RNF13: variants seen among roughly 807,000 people sequenced by gnomAD.
RNF13 encodes E3 ubiquitin-protein ligase RNF13.
RNF13 carries 19 observed loss-of-function variants against 37.7 expected under a neutral mutation model. That is an observed-to-expected ratio of 0.50 (90% CI 0.35 to 0.74). The LOEUF (loss-of-function observed/expected upper bound fraction) is 0.74. Ranked by LOEUF, RNF13 falls within the 30% of genes least tolerant of loss-of-function variation. The probability of loss-of-function intolerance (pLI) is 0.01; values close to 1 mark genes in which losing one functional copy is unlikely to be tolerated. For missense variants in RNF13, 375 were observed against 453.0 expected (o/e 0.83, Z 1.56); for synonymous variants, 144 against 157.8 (o/e 0.91, Z 0.65).
chr3:149,956,054 G>T (rs1323196336), intron 8 of RNF13, among the ~76,000 whole-genome samples: 5 of 151,988 alleles, frequency 3.3e-5, no homozygotes, highest in African/African-American at 1.2e-4. Flanking sequence ...ATGAATGAAG[G>T]GTGGATTGGT....
At chr3:149,842,569 T>A (rs561822176) in intron 1 of RNF13, among the ~76,000 whole-genome samples, 22 of 152,234 alleles carry the variant, frequency 1.4e-4, no homozygotes, top group Non-Finnish European at 3.1e-4. Context: ...AAATTCCATA[T>A]TTTTTACTGC....
chr3:149,904,396 T>A (rs1483248729), intron 6 of RNF13, among the ~76,000 whole-genome samples: 1 of 152,022 alleles, frequency 6.6e-6, no homozygotes, highest in Non-Finnish European at 1.5e-5. Context: ...TATTATTATT[T>A]TTGAGACAGG....
chr3:149,860,288 T>A (rs1724116086), intron 3 of RNF13, among the ~76,000 whole-genome samples: 1 of 139,632 alleles, frequency 7.2e-6, no homozygotes, highest in Non-Finnish European at 1.5e-5. Context: ...TATATATATA[T>A]ATATATATAT....
chr3:149,883,218 A>C (rs1159144641), intron 4 of RNF13, among the ~76,000 whole-genome samples: 1 of 152,100 alleles, frequency 6.6e-6, no homozygotes, highest in Non-Finnish European at 1.5e-5. Context: ...CTTAGTTGTC[A>C]TGTCTCCTTT....
intron 8 of RNF13, chr3:149,939,058 C>G (rs926212140): frequency 2.0e-6 from 1 of 495,786 alleles, no homozygotes; most frequent in African/African-American, 2.0e-5. Flanking sequence ...AAGCACTCCT[C>G]ACATAATTGA....
intron 8 of RNF13, among the ~76,000 whole-genome samples, chr3:149,942,714 G>T (rs754291905): frequency 5.9e-5 from 9 of 152,054 alleles, no homozygotes; most frequent in Non-Finnish European, 1.3e-4. Flanking sequence ...TAATTGCTCT[G>T]GATAGACCTC....
At chr3:149,907,461 G>A (rs907748334) in intron 6 of RNF13, among the ~76,000 whole-genome samples, 3 of 152,094 alleles carry the variant, frequency 2.0e-5, no homozygotes, top group African/African-American at 7.2e-5. Flanking sequence ...CTTTTAAAAA[G>A]GATGGTATAT....
chr3:149,945,743 A>G (rs1387141049), intron 8 of RNF13, among the ~76,000 whole-genome samples: 1 of 152,144 alleles, frequency 6.6e-6, no homozygotes, highest in Non-Finnish European at 1.5e-5. Context: ...ATCTGGCAGC[A>G]CCATTTGCTG....
intron 3 of RNF13, among the ~76,000 whole-genome samples, chr3:149,855,788 G>A (rs536240813): frequency 1.3e-5 from 2 of 151,968 alleles, no homozygotes; most frequent in Non-Finnish European, 2.9e-5. Flanking sequence ...AACACTGTAG[G>A]AGAATACTTA....
chr3:149,849,877 A>G (rs188658256), intron 2 of RNF13, among the ~76,000 whole-genome samples: 257 of 152,330 alleles, frequency 1.7e-3, no homozygotes, highest in Non-Finnish European at 2.9e-3. Flanking sequence ...TGTCAAGAAA[A>G]ATAATTGGTT....
chr3:149,941,397 G>A (rs1171079026), intron 8 of RNF13, among the ~76,000 whole-genome samples: 5 of 151,970 alleles, frequency 3.3e-5, no homozygotes, highest in South Asian at 2.1e-4. Flanking sequence ...AGTATGAGTC[G>A]ATATCTCATT....
At chr3:149,861,772 C>T (rs748158223) in intron 3 of RNF13, among the ~76,000 whole-genome samples, 43 of 152,146 alleles carry the variant, frequency 2.8e-4, no homozygotes, top group African/African-American at 9.2e-4. Flanking sequence ...TTTGAAGTTG[C>T]TGGAAGACAG....
Position 149,846,023 on chromosome 3 carries a change from C to A in RNF13, c.-4C>A. The A allele has an allele frequency of 5.6e-6, 9 of 1,596,770 alleles. No individual in the cohort carries two copies. Among genetic ancestry groups the A allele is most frequent in the South Asian group, 1.1e-5 (1 of 90,248 alleles). ...CCTTGTCTTCCAGGTGATTTTACAA[C>A]GAGATGCTGCTCTCCATAGGGATGC... On this transcript the variant is annotated 5_prime_UTR_variant, in exon 2 of 10. Coordinates refer to ENST00000392894, the MANE Select transcript of RNF13 (RefSeq NM_183381.3).
intron 1 of RNF13, among the ~76,000 whole-genome samples, chr3:149,815,263 T>A (rs1162718288): frequency 6.6e-6 from 1 of 152,134 alleles, no homozygotes; most frequent in African/African-American, 2.4e-5. Context: ...TGTCTTTGAG[T>A]TAAGTTGGCT....
intron 7 of RNF13, among the ~76,000 whole-genome samples, chr3:149,918,910 C>T (rs903149502): frequency 4.6e-5 from 7 of 151,974 alleles, no homozygotes; most frequent in African/African-American, 1.2e-4. Context: ...AGCATATGAT[C>T]GGAATTTTTT....
At chr3:149,949,785 T>C (rs1045058758) in intron 8 of RNF13, among the ~76,000 whole-genome samples, 7 of 151,762 alleles carry the variant, frequency 4.6e-5, no homozygotes, top group African/African-American at 1.7e-4. Flanking sequence ...TTTTTGGGGA[T>C]TTATCCTGCT....
In RNF13 at chr3:149,912,054, A is replaced by G. The variant is rs1310682129; in HGVS notation, c.577A>G (p.Ile193Val). ...AATTCCCTTCCTTATCATAGTGGGC[A>G]TCTGTCTCATCTTGATAGTCATTTT... ...YLIPFLIIVG[I>V]CLILIVIFMI... is the part of the protein sequence containing the mutation. Residue 193 changes from isoleucine to valine, a missense_variant, in exon 7 of 10, where the codon ATC becomes GTC. By Grantham distance (29) the Ile-to-Val change is conservative (BLOSUM62 3). Coordinates refer to ENST00000392894, the MANE Select transcript of RNF13 (RefSeq NM_183381.3). The G allele has an allele frequency of 6.4e-7, 1 of 1,572,594 alleles. No homozygotes were observed. Among genetic ancestry groups the G allele is most frequent in the East Asian group, 2.2e-5 (1 of 44,558 alleles).
intron 4 of RNF13, among the ~76,000 whole-genome samples, chr3:149,894,340 T>C (rs1204928916): frequency 6.6e-6 from 1 of 152,174 alleles, no homozygotes; most frequent in Non-Finnish European, 1.5e-5. Flanking sequence ...TCATTTCTCT[T>C]ACCTAGCTTT....
intron 4 of RNF13, among the ~76,000 whole-genome samples, chr3:149,882,898 G>A (rs562903653): frequency 1.3e-5 from 2 of 152,086 alleles, no homozygotes; most frequent in Non-Finnish European, 2.9e-5. Flanking sequence ...TGTGGTTCAT[G>A]TTACAACAAA....
Sources: gnomAD v4.1 joint callset for allele counts (sites outside exome capture counted in the v4.1 genomes callset) on GRCh38, gnomAD v4.1.1 for gene constraint, MANE v1.5 for transcripts, NCBI Gene and HGNC (gene_info 2026-07-23, HGNC 2026-07-21) for gene names.